B4GALT5: variants seen among roughly 807,000 people sequenced by gnomAD.
B4GALT5 encodes UDP-Gal:beta-GlcNAc beta-1,4-galactosyltransferase 5.
Under a neutral mutation model 45.0 loss-of-function variants are expected in B4GALT5, and 11 were observed. That is an observed-to-expected ratio of 0.24 (90% CI 0.15 to 0.40). B4GALT5 has a LOEUF of 0.40. Ranked by LOEUF, B4GALT5 falls within the 10% of genes least tolerant of loss-of-function variation. The pLI is 1.00. For synonymous variants in B4GALT5, 185 were observed against 182.9 expected (o/e 1.01, Z -0.09); for missense variants, 337 against 500.2 (o/e 0.67, Z 3.11).
At chr20:49,647,157 G>T in intron 2 of B4GALT5, 79 bp from the exon 3 acceptor site, 2 of 812,574 alleles carry the variant, frequency 2.5e-6, no homozygotes, top group Middle Eastern at 4.8e-4. Context: ...TACCAAGTAA[G>T]TCTTTCTCTT....
At chr20:49,713,076 T>C (rs1300009637) in intron 1 of B4GALT5, among the ~76,000 whole-genome samples, 1 of 61,412 alleles carries the variant, frequency 1.6e-5, no homozygotes, top group Non-Finnish European at 3.3e-5. Flanking sequence ...TCATGGGGAG[T>C]GGGGGAGGAT....
chr20:49,664,476 G>A (rs1049568177), intron 1 of B4GALT5, among the ~76,000 whole-genome samples: 1 of 125,590 alleles, frequency 8.0e-6, no homozygotes, highest in African/African-American at 3.0e-5. Context: ...ACACACTTTA[G>A]ATTCTTCAGG....
At chr20:49,654,343 C>T (rs1292260435) in intron 2 of B4GALT5, among the ~76,000 whole-genome samples, 4 of 152,290 alleles carry the variant, frequency 2.6e-5, no homozygotes, top group South Asian at 2.1e-4. Context: ...AATGTGTGTG[C>T]GGATTGTGCA....
At chr20:49,674,375 G>C (rs2085728896) in intron 1 of B4GALT5, among the ~76,000 whole-genome samples, 1 of 152,084 alleles carries the variant, frequency 6.6e-6, no homozygotes, top group African/African-American at 2.4e-5. Flanking sequence ...CCCTAGCAAT[G>C]TTCACATAAG....
chr20:49,642,516 G>A lies in B4GALT5; in HGVS notation c.558C>T (p.Pro186=). The A allele has an allele frequency of 6.2e-7, 1 of 1,614,198 alleles. No homozygotes were observed. Among genetic ancestry groups the A allele is most frequent in the Non-Finnish European group, 8.5e-7 (1 of 1,180,016 alleles). ...HLPVLFRHLL[P]MLQRQRLQFA... Reference sequence around the variant, plus strand: ...ACTGCAAGCGCTGGCGCTGGAGCATGGGAAGCAGGTGTCTGAACAGGACTG... The same window carrying A: ...ACTGCAAGCGCTGGCGCTGGAGCATAGGAAGCAGGTGTCTGAACAGGACTG... Residue 186 remains proline, a synonymous_variant, in exon 5 of 9, where the codon CCC becomes CCT. Transcript: ENST00000371711.
chr20:49,692,429 T>C (rs2085817805), intron 1 of B4GALT5, among the ~76,000 whole-genome samples: 1 of 152,140 alleles, frequency 6.6e-6, no homozygotes, highest in Non-Finnish European at 1.5e-5. Flanking sequence ...ATCGCATCAC[T>C]GCATTCCAGC....
intron 1 of B4GALT5, among the ~76,000 whole-genome samples, chr20:49,690,156 A>G (rs2085804206): frequency 6.7e-6 from 1 of 150,192 alleles, no homozygotes; most frequent in Admixed American, 6.6e-5. Context: ...AGCACACACC[A>G]CTACACCTGG....
intron 1 of B4GALT5, among the ~76,000 whole-genome samples, chr20:49,678,477 C>A (rs1219648487): frequency 6.6e-6 from 1 of 152,178 alleles, no homozygotes; most frequent in Non-Finnish European, 1.5e-5. Context: ...GCAAGACAGG[C>A]ACCAGCCATG....
intron 1 of B4GALT5, 74 bp downstream of exon 1, chr20:49,713,502 A>G: frequency 6.9e-7 from 1 of 1,448,098 alleles, no homozygotes; most frequent in Non-Finnish European, 9.4e-7. Flanking sequence ...GGGGCCCCTT[A>G]GGGAGGGGCG....
chr20:49,647,952 C>T (rs1317800010), intron 2 of B4GALT5, among the ~76,000 whole-genome samples: 1 of 152,132 alleles, frequency 6.6e-6, no homozygotes, highest in East Asian at 1.9e-4. Context: ...CTCATCTTTT[C>T]TATCCAGTTT....
intron 7 of B4GALT5, 41 bp downstream of exon 7, chr20:49,639,637 G>GGTA (rs1310042783): frequency 6.2e-7 from 1 of 1,609,112 alleles, no homozygotes; most frequent in Non-Finnish European, 8.5e-7. Context: ...TGCAGTCTAA[G>GGTA]GTAGCATTTC....
At chr20:49,646,659 G>A (rs561488970) in intron 3 of B4GALT5, among the ~76,000 whole-genome samples, 4 of 152,230 alleles carry the variant, frequency 2.6e-5, no homozygotes, top group South Asian at 2.1e-4. Context: ...AAGTACCCTC[G>A]TTGTTAAGCT....
At chr20:49,644,206 C>A (rs1000162124) in intron 3 of B4GALT5, among the ~76,000 whole-genome samples, 1 of 151,788 alleles carries the variant, frequency 6.6e-6, no homozygotes, top group Admixed American at 6.6e-5. Flanking sequence ...GGATTACAGT[C>A]GTGGGCCACT....
intron 3 of B4GALT5, 63 bp from the exon 4 acceptor site, chr20:49,643,713 GGTTT>G (rs2085586739): frequency 6.4e-7 from 1 of 1,563,350 alleles, no homozygotes; most frequent in Admixed American, 1.8e-5. Context: ...CTATGCCTGG[GGTTT>G]TAGTCTCTGG....
At position 49,633,686 on chromosome 20, in the gene B4GALT5, T is replaced by TTA. The variant is rs1406649004; in HGVS notation, c.*2624_*2625dup. Reference sequence around the variant, plus strand: ...AATCAGCATTTTCTAAAGTCAGGTGTTAGCCTTTTGCCAACAGTGTGTACT... The same window carrying TTA: ...AATCAGCATTTTCTAAAGTCAGGTGTTATAGCCTTTTGCCAACAGTGTGTACT... On this transcript the variant is annotated 3_prime_UTR_variant, in exon 9 of 9. Transcript: ENST00000371711. The TTA allele has an allele frequency of 1.3e-5, 2 of 152,206 alleles. No homozygotes were observed. Among genetic ancestry groups the TTA allele is most frequent in the African/African-American group, 2.4e-5 (1 of 41,450 alleles). The allele number at this position is 152,206 out of a possible 1,614,324, so 9.4% of individuals were successfully genotyped here.
intron 3 of B4GALT5, among the ~76,000 whole-genome samples, chr20:49,643,922 C>CTTTTTTTTTTTT (rs138727530): frequency 1.9e-5 from 1 of 52,154 alleles, no homozygotes; most frequent in African/African-American, 8.5e-5. Flanking sequence ...AGTAGCTGAG[C>CTTTTTTTTTTTT]TTTTTTTTTT....
At chr20:49,671,836 G>T (rs75287294) in intron 1 of B4GALT5, among the ~76,000 whole-genome samples, 17,915 of 118,986 alleles carry the variant, frequency 0.15, 1,272 homozygotes, top group East Asian at 0.27. Context: ...TTTGGGCAGG[G>T]TCTTTTTCTT....
intron 1 of B4GALT5, among the ~76,000 whole-genome samples, chr20:49,672,900 G>T (rs2146345038): frequency 6.6e-6 from 1 of 152,258 alleles, no homozygotes; most frequent in South Asian, 2.1e-4. Flanking sequence ...TCTTCCCACA[G>T]ATCACATAAC....
chr20:49,694,839 TACACAC>T (rs71339447), intron 1 of B4GALT5, among the ~76,000 whole-genome samples: 8 of 149,602 alleles, frequency 5.3e-5, no homozygotes, highest in African/African-American at 1.2e-4. Flanking sequence ...GACAGACAGA[TACACAC>T]ACACACACAC....
Sources: allele counts gnomAD v4.1 joint callset (sites outside exome capture counted in the v4.1 genomes callset), GRCh38; gene constraint gnomAD v4.1.1; transcripts MANE v1.5; gene names NCBI Gene and HGNC (gene_info 2026-07-23, HGNC 2026-07-21).